The following DCDC2 variants were observed in gnomAD, a reference collection of about 807,000 sequenced individuals.
DCDC2 encodes the protein doublecortin domain-containing protein 2.
A neutral mutation model predicts 50.2 loss-of-function variants in DCDC2; 40 were observed. The observed-to-expected ratio is 0.80, with a 90% CI of 0.62 to 1.04. The LOEUF is 1.04. Among genes scored for constraint, DCDC2 ranks in the 50% least tolerant of loss-of-function variants. DCDC2 has a pLI of 0.00. For missense variants in DCDC2, 570 were observed against 581.9 expected (o/e 0.98, Z 0.21); for synonymous variants, 234 against 210.6 (o/e 1.11, Z -0.96).
At chr6:24,254,877 A>G (rs73394048) in intron 7 of DCDC2, among the ~76,000 whole-genome samples, 8,430 of 152,214 alleles carry the variant, frequency 0.055, 504 homozygotes, top group African/African-American at 0.15. Flanking sequence ...TTAATACTCA[A>G]TATTTTAAAG....
intron 7 of DCDC2, among the ~76,000 whole-genome samples, chr6:24,248,216 C>T (rs73394044): frequency 0.024 from 3,680 of 152,268 alleles, 130 homozygotes; most frequent in African/African-American, 0.082. Context: ...CTGTGAAGTT[C>T]TTAGTAGACA....
chr6:24,212,637 T>C (rs1323148925), intron 7 of DCDC2, among the ~76,000 whole-genome samples: 1 of 152,214 alleles, frequency 6.6e-6, no homozygotes. Flanking sequence ...CTCATTCAAT[T>C]ACTACGTGAA....
chr6:24,187,236 G>T (rs1373479322), intron 8 of DCDC2, among the ~76,000 whole-genome samples: 3 of 152,186 alleles, frequency 2.0e-5, no homozygotes, highest in Non-Finnish European at 4.4e-5. Context: ...GGCAGGGAAA[G>T]AAGGCCAAAC....
chr6:24,281,896 A>G (rs1312232038), intron 6 of DCDC2, among the ~76,000 whole-genome samples: 2 of 152,188 alleles, frequency 1.3e-5, no homozygotes, highest in East Asian at 1.9e-4. Context: ...TCACCATTTT[A>G]TAGATAAATA....
At chr6:24,311,288 C>T (rs765196165) in intron 2 of DCDC2, among the ~76,000 whole-genome samples, 2 of 152,166 alleles carry the variant, frequency 1.3e-5, no homozygotes, top group Non-Finnish European at 2.9e-5. Flanking sequence ...TCATGCAATA[C>T]TTTTTATACA....
intron 7 of DCDC2, among the ~76,000 whole-genome samples, chr6:24,237,618 T>C (rs1762474999): frequency 6.6e-6 from 1 of 152,186 alleles, no homozygotes; most frequent in African/African-American, 2.4e-5. Flanking sequence ...ACATATGTAC[T>C]TGTATGTTCA....
At chr6:24,354,583 A>T (rs901284309) in intron 1 of DCDC2, among the ~76,000 whole-genome samples, 3 of 152,172 alleles carry the variant, frequency 2.0e-5, no homozygotes, top group Non-Finnish European at 4.4e-5. Context: ...TATTTTTAAA[A>T]CAGTGCAAAC....
intron 7 of DCDC2, among the ~76,000 whole-genome samples, chr6:24,219,569 A>AACAG (rs1762055588): frequency 2.0e-5 from 3 of 152,190 alleles, no homozygotes; most frequent in Non-Finnish European, 4.4e-5. Flanking sequence ...TAGTGGGGTT[A>AACAG]TTTTTAATAA....
intron 8 of DCDC2, among the ~76,000 whole-genome samples, chr6:24,192,804 G>A (rs1043078407): frequency 1.3e-5 from 2 of 151,788 alleles, no homozygotes; most frequent in African/African-American, 4.8e-5. Flanking sequence ...CAAATACCTG[G>A]ACTTCTGGAA....
chr6:24,239,887 T>C (rs1372883436), intron 7 of DCDC2, among the ~76,000 whole-genome samples: 2 of 152,220 alleles, frequency 1.3e-5, no homozygotes, highest in African/African-American at 2.4e-5. Context: ...TTCTGTAAAT[T>C]ATCTTTTTCA....
chr6:24,290,518 ATAT>A (rs983737357), intron 5 of DCDC2, among the ~76,000 whole-genome samples: 4 of 152,208 alleles, frequency 2.6e-5, no homozygotes, highest in Non-Finnish European at 2.9e-5. Context: ...CAAGTATAAA[ATAT>A]TATGAGTTTT....
Position 24,178,343 on chromosome 6 carries a change from C to T in DCDC2, c.1313G>A (p.Ser438Asn), listed in dbSNP as rs1480906981. The change falls in exon 9 of 10, where the codon AGT becomes AAT. Residue 438 changes from serine to asparagine, a missense_variant. Ser to Asn is a conservative substitution (Grantham distance 46, BLOSUM62 1). Coordinates refer to ENST00000378454, the MANE Select transcript of DCDC2 (RefSeq NM_016356.5). ...DKERKSQGAG[S>N]GQDEADVDPQ... ...CAATAGAAATACCTCATCTTGTCCA[C>T]TGCCAGCTCCTTGAGACTTTCTTTC... The T allele has an allele frequency of 7.4e-6, 12 of 1,613,600 alleles. No homozygotes were observed. Among genetic ancestry groups the T allele is most frequent in the Non-Finnish European group, 9.3e-6 (11 of 1,179,614 alleles).
intron 7 of DCDC2, among the ~76,000 whole-genome samples, chr6:24,253,231 C>G (rs1436432489): frequency 6.6e-6 from 1 of 151,836 alleles, no homozygotes; most frequent in Non-Finnish European, 1.5e-5. Context: ...AGAGAAAAAT[C>G]TAAGTCAAAA....
intron 1 of DCDC2, 81 bp downstream of exon 1, chr6:24,357,377 G>A (rs1401348012): frequency 6.9e-7 from 1 of 1,458,204 alleles, no homozygotes; most frequent in Non-Finnish European, 9.2e-7. Context: ...AGGTGTGGGG[G>A]GGTAGGGATC....
At chr6:24,210,097 C>T (rs1761833514) in intron 7 of DCDC2, among the ~76,000 whole-genome samples, 1 of 150,430 alleles carries the variant, frequency 6.6e-6, no homozygotes, top group Admixed American at 6.6e-5. Flanking sequence ...TCTGTCTTCA[C>T]CCTCCTGGTT....
intron 7 of DCDC2, among the ~76,000 whole-genome samples, chr6:24,263,655 G>A (rs1040044504): frequency 2.6e-5 from 4 of 152,086 alleles, no homozygotes; most frequent in African/African-American, 7.2e-5. Context: ...TTAGCTTGAA[G>A]ACAAGTTATT....
At chr6:24,290,043 G>C (rs1053207148) in intron 5 of DCDC2, among the ~76,000 whole-genome samples, 2 of 132,754 alleles carry the variant, frequency 1.5e-5, no homozygotes, top group African/African-American at 5.5e-5. Context: ...GCCCAGGCTG[G>C]AGTGCAGTGG....
At position 24,328,334 on chromosome 6, in the gene DCDC2, G is replaced by A. The variant is rs1249556973; in HGVS notation, c.348+25235C>T. On this transcript the variant is annotated intron_variant, in intron 2 of 9. Transcript: ENST00000378454. Reference sequence around the variant, plus strand: ...AATAAGGAGTTTAGATTTCTGTAAAGTACTCTATAAGGAATATCAAACTGG... The same window carrying A: ...AATAAGGAGTTTAGATTTCTGTAAAATACTCTATAAGGAATATCAAACTGG... Among the ~76,000 whole-genome samples, 4 of 152,168 alleles carry A rather than the reference G, an allele frequency of 2.6e-5. No individual in the cohort carries two copies. In the East Asian group the frequency reaches 5.8e-4, roughly 22 times the overall value.
chr6:24,354,784 T>C (rs1213332809), intron 1 of DCDC2, among the ~76,000 whole-genome samples: 4 of 152,134 alleles, frequency 2.6e-5, no homozygotes, highest in Non-Finnish European at 1.5e-5. Flanking sequence ...TGCTGTAAAA[T>C]AAAGGTTGTG....
Sources: allele counts gnomAD v4.1 joint callset (sites outside exome capture counted in the v4.1 genomes callset), GRCh38; gene constraint gnomAD v4.1.1; transcripts MANE v1.5; gene names NCBI Gene and HGNC (gene_info 2026-07-23, HGNC 2026-07-21).